The following NCOA1 variants were observed in gnomAD, a reference collection of about 807,000 sequenced individuals.
NCOA1 encodes nuclear receptor coactivator 1.
A neutral mutation model predicts 150.9 loss-of-function variants in NCOA1; 35 were observed. That is an observed-to-expected ratio of 0.23 (90% confidence interval 0.18 to 0.31). The LOEUF is 0.31. Among genes scored for constraint, NCOA1 ranks in the 10% least tolerant of loss-of-function variants. The pLI is 1.00. For missense variants in NCOA1, 1,491 were observed against 1,749.3 expected, an observed-to-expected ratio of 0.85 and a Z score of 2.63; for synonymous variants, 590 against 630.0, an observed-to-expected ratio of 0.94 and a Z score of 0.95.
At chr2:24,653,481 A>G (rs1439337862) in intron 4 of NCOA1, among the ~76,000 whole-genome samples, 1 of 152,164 alleles carries the variant, frequency 6.6e-6, no homozygotes, top group Non-Finnish European at 1.5e-5. Context: ...TAACCATACA[A>G]ATTAAATATC....
intron 3 of NCOA1, among the ~76,000 whole-genome samples, chr2:24,612,017 G>A (rs947996375): frequency 6.6e-6 from 1 of 152,160 alleles, no homozygotes; most frequent in African/African-American, 2.4e-5. Flanking sequence ...TCTGTGAGCT[G>A]TGTGCTTAAT....
rs1409684859 is a variant in NCOA1 at position 24,770,455 on chromosome 2, GTTTGT to G, written c.*2068_*2072del. On this transcript the variant is annotated 3_prime_UTR_variant, in exon 23 of 23. Transcript: ENST00000348332. ...ACCTTCAAGGTTTTATAATTGCACTGTTTGTTTTATGTATGTACAGATTAAAATTA... is the reference window on the plus strand; with the variant it reads ...ACCTTCAAGGTTTTATAATTGCACTGTTTATGTATGTACAGATTAAAATTA... The G allele has an allele frequency of 4.4e-6, 1 of 226,386 alleles. No homozygotes were observed. Among genetic ancestry groups the G allele is most frequent in the African/African-American group, 2.2e-5 (1 of 44,966 alleles). 14.0% of individuals were successfully genotyped at this position (226,386 alleles called of 1,614,324 possible). A position where few individuals can be genotyped will look rare whatever the true frequency, so the allele number is the denominator to read the frequency against.
At chr2:24,576,149 G>GTTTTTTTTTGTTTGT (rs1666947727) in intron 2 of NCOA1, among the ~76,000 whole-genome samples, 21 of 94,028 alleles carry the variant, frequency 2.2e-4, no homozygotes, top group African/African-American at 9.4e-4. Context: ...TTTGGCCTTT[G>GTTTTTTTTTGTTTGT]TTTTTTTTTT....
intron 3 of NCOA1, among the ~76,000 whole-genome samples, chr2:24,592,348 G>A (rs1318838481): frequency 6.6e-6 from 1 of 152,078 alleles, no homozygotes; most frequent in Non-Finnish European, 1.5e-5. Context: ...ATAAGATATT[G>A]TCCATAGTAA....
At chr2:24,501,496 A>G (rs573652774) in intron 1 of NCOA1, among the ~76,000 whole-genome samples, 2 of 152,206 alleles carry the variant, frequency 1.3e-5, no homozygotes, top group African/African-American at 4.8e-5. Context: ...TAAATGTTTA[A>G]AAATTTGTTT....
chr2:24,617,656 C>T (rs55783347), intron 3 of NCOA1, among the ~76,000 whole-genome samples: 6,318 of 152,218 alleles, frequency 0.042, 198 homozygotes, highest in Non-Finnish European at 0.065. Context: ...CCTCAGACAT[C>T]TGTTATCTCC....
intron 20 of NCOA1, among the ~76,000 whole-genome samples, chr2:24,753,812 C>T (rs1038971564): frequency 6.6e-6 from 1 of 152,170 alleles, no homozygotes; most frequent in Non-Finnish European, 1.5e-5. Flanking sequence ...TCAATGCCTA[C>T]TGCTATGCTT....
intron 1 of NCOA1, among the ~76,000 whole-genome samples, chr2:24,551,646 G>C (rs1057279047): frequency 6.6e-6 from 1 of 152,174 alleles, no homozygotes; most frequent in African/African-American, 2.4e-5. Flanking sequence ...CTGCTTTCAT[G>C]CTACAATGGC....
intron 8 of NCOA1, among the ~76,000 whole-genome samples, chr2:24,685,861 G>A (rs1207411657): frequency 6.6e-6 from 1 of 152,096 alleles, no homozygotes; most frequent in African/African-American, 2.4e-5. Context: ...TTTTGATTAT[G>A]CTTTTATCTT....
intron 1 of NCOA1, among the ~76,000 whole-genome samples, chr2:24,542,604 A>G (rs1055027073): frequency 1.3e-5 from 2 of 152,202 alleles, no homozygotes; most frequent in African/African-American, 4.8e-5. Flanking sequence ...TTTATCGCCA[A>G]ATAGCATTGG....
intron 10 of NCOA1, among the ~76,000 whole-genome samples, chr2:24,695,065 T>C (rs1672836555): frequency 6.6e-6 from 1 of 152,194 alleles, no homozygotes; most frequent in South Asian, 2.1e-4. Flanking sequence ...ACAATATGTT[T>C]CAGCTTTTCC....
intron 14 of NCOA1, among the ~76,000 whole-genome samples, chr2:24,718,639 C>T (rs1358311492): frequency 2.7e-5 from 4 of 150,836 alleles, no homozygotes; most frequent in Non-Finnish European, 5.9e-5. Context: ...CAAGACCAGT[C>T]TGGCCAACAT....
intron 1 of NCOA1, among the ~76,000 whole-genome samples, chr2:24,549,401 A>C (rs1197498639): frequency 6.6e-6 from 1 of 152,116 alleles, no homozygotes; most frequent in Non-Finnish European, 1.5e-5. Flanking sequence ...GGCTGCCACA[A>C]AGGTCTCTGA....
chr2:24,652,312 G>A (rs546055785), intron 4 of NCOA1, among the ~76,000 whole-genome samples: 47 of 152,060 alleles, frequency 3.1e-4, no homozygotes, highest in African/African-American at 8.9e-4. Flanking sequence ...AGACCCTTAC[G>A]TGTCTTAGGA....
chr2:24,713,920 C>T (rs559367322), intron 14 of NCOA1, among the ~76,000 whole-genome samples: 11 of 152,156 alleles, frequency 7.2e-5, no homozygotes, highest in Non-Finnish European at 1.5e-4. Flanking sequence ...AATCAGGGTT[C>T]TTTTCTATCC....
intron 1 of NCOA1, among the ~76,000 whole-genome samples, chr2:24,520,713 AT>A (rs1488466189): frequency 4.6e-5 from 7 of 152,226 alleles, no homozygotes; most frequent in African/African-American, 1.7e-4. Context: ...ATGTGTCAAA[AT>A]TTATAAAACT....
chr2:24,760,995 G>A (rs55977174), intron 21 of NCOA1, among the ~76,000 whole-genome samples: 2,031 of 152,092 alleles, frequency 0.013, 22 homozygotes, highest in Non-Finnish European at 0.019. Context: ...GTACAGGGGT[G>A]CGCCACCACA....
chr2:24,682,866 A>AT, intron 7 of NCOA1, 85 bp from the exon 8 acceptor site: 1 of 1,201,384 alleles, frequency 8.3e-7, no homozygotes, highest in Non-Finnish European at 1.2e-6. Flanking sequence ...TATATTTCTG[A>AT]TCTCTTTTTT....
At chr2:24,720,711 AAAAG>A (rs1316886843) in intron 14 of NCOA1, among the ~76,000 whole-genome samples, 1 of 152,346 alleles carries the variant, frequency 6.6e-6, no homozygotes, top group African/African-American at 2.4e-5. Flanking sequence ...TGCAGAAGGA[AAAAG>A]AAAGAAAAAA....
Sources: allele counts gnomAD v4.1 joint callset (sites outside exome capture counted in the v4.1 genomes callset), GRCh38; gene constraint gnomAD v4.1.1; transcripts MANE v1.5; gene names NCBI Gene and HGNC (gene_info 2026-07-23, HGNC 2026-07-21).